The following RAVER2 variants were observed in gnomAD, a reference collection of about 807,000 sequenced individuals.
The protein encoded by RAVER2 is ribonucleoprotein PTB-binding 2.
A neutral mutation model predicts 78.1 loss-of-function variants in RAVER2; 46 were observed. The observed-to-expected ratio is 0.59, with a 90% CI of 0.46 to 0.75. The LOEUF (loss-of-function observed/expected upper bound fraction) is 0.75, where lower values mean the gene tolerates loss of function less well. Ranked by LOEUF, RAVER2 falls within the 30% of genes least tolerant of loss-of-function variation. The pLI is 0.00. For missense variants in RAVER2, 793 were observed against 837.5 expected (o/e 0.95, Z 0.66); for synonymous variants, 311 against 313.3 (o/e 0.99, Z 0.08).
chr1:64,785,552 A>G (rs1652755893), intron 4 of RAVER2, among the ~76,000 whole-genome samples: 2 of 152,004 alleles, frequency 1.3e-5, no homozygotes, highest in South Asian at 2.1e-4. Context: ...TATTTTTAGT[A>G]GAGACGGGGT....
intron 2 of RAVER2, among the ~76,000 whole-genome samples, chr1:64,772,868 G>C (rs1014404263): frequency 3.3e-5 from 5 of 152,184 alleles, no homozygotes; most frequent in Admixed American, 6.5e-5. Context: ...AGGCATTGTA[G>C]AGCATGATTA....
intron 9 of RAVER2, among the ~76,000 whole-genome samples, chr1:64,810,753 C>A (rs1433992339): frequency 1.2e-4 from 18 of 152,062 alleles, no homozygotes; most frequent in Admixed American, 1.2e-3. Context: ...AAAGTTTCTG[C>A]CCATTTTAAA....
chr1:64,745,331 G>A lies in RAVER2; in HGVS notation c.159G>A (p.Glu53=). 1.3e-6 allele frequency: 2 copies of A among 1,539,010 alleles called. No individual in the cohort carries two copies. The highest frequency in any genetic ancestry group is 1.8e-6 in the Non-Finnish European group (2 of 1,141,740). The change falls in exon 1 of 12, where the codon GAG becomes GAA. Residue 53 remains glutamate (E), a synonymous_variant. Coordinates refer to ENST00000294428, the Ensembl canonical transcript of RAVER2. The surrounding 1 kb of genome is among the most constrained non-coding windows in gnomAD (Gnocchi z 4.3). ...TGCCCGCCGCGCTGCACCCTGAGGAGGTCGCCGCGCGACTGCAGCGGATGC... is the reference window on the plus strand; with the variant it reads ...TGCCCGCCGCGCTGCACCCTGAGGAAGTCGCCGCGCGACTGCAGCGGATGC...
intron 5 of RAVER2, among the ~76,000 whole-genome samples, chr1:64,795,180 C>A (rs1224891330): frequency 6.6e-6 from 1 of 152,100 alleles, no homozygotes; most frequent in Non-Finnish European, 1.5e-5. Flanking sequence ...TTTACCAGTA[C>A]TGTCTTTATA....
exon 12 of RAVER2, chr1:64,833,100 T>C (rs1654220403): frequency 5.5e-6 from 1 of 180,968 alleles, no homozygotes; most frequent in South Asian, 2.0e-4. Flanking sequence ...GGTGTTTGTT[T>C]GTTTGTTAGT....
At chr1:64,759,875 T>A (rs1219488136) in intron 1 of RAVER2, among the ~76,000 whole-genome samples, 1 of 152,012 alleles carries the variant, frequency 6.6e-6, no homozygotes, top group Non-Finnish European at 1.5e-5. Context: ...CGTAAAATAA[T>A]CTCAGAAAAA....
chr1:64,832,878 G>A (rs1654201243), exon 12 of RAVER2: 1 of 152,402 alleles, frequency 6.6e-6, no homozygotes, highest in Non-Finnish European at 1.5e-5. Context: ...CTCCACTATA[G>A]TACAAACAAA....
At chr1:64,768,154 A>T (rs767780264) in intron 1 of RAVER2, among the ~76,000 whole-genome samples, 4 of 151,982 alleles carry the variant, frequency 2.6e-5, no homozygotes, top group Non-Finnish European at 5.9e-5. Flanking sequence ...ACTTGTTAAA[A>T]GCTCTATAGC....
intron 4 of RAVER2, among the ~76,000 whole-genome samples, chr1:64,788,346 C>G (rs1283446722): frequency 1.3e-5 from 2 of 151,460 alleles, no homozygotes; most frequent in African/African-American, 4.9e-5. Context: ...GTGGCGGGCA[C>G]CTGTAGTCCC....
chr1:64,750,484 A>G (rs1209737924), intron 1 of RAVER2, among the ~76,000 whole-genome samples: 1 of 151,456 alleles, frequency 6.6e-6, no homozygotes, highest in Non-Finnish European at 1.5e-5. Context: ...AATATTTTTT[A>G]ATTTTTTGTA....
At position 64,831,862 on chromosome 1, in the gene RAVER2, A is replaced by G. The variant is rs557100741; in HGVS notation, c.*877A>G. The G allele has an allele frequency of 2.6e-5, 4 of 152,330 alleles. No individual in the cohort carries two copies. The East Asian group carries it at 7.7e-4, about 29-fold the overall frequency. The allele number at this position is 152,330 out of a possible 1,614,324, so 9.4% of individuals were successfully genotyped here. A position where few individuals can be genotyped will look rare whatever the true frequency, so the allele number is the denominator to read the frequency against. On this transcript the variant is annotated 3_prime_UTR_variant, in exon 12 of 12. Coordinates refer to ENST00000294428, the Ensembl canonical transcript of RAVER2. The stretch of plus-strand genomic sequence containing the variant: ...GGGACGTTGCCATGCTCATTCATTT[A>G]CGTGTTGTCTGTGGCACTCTTACGC...
At chr1:64,780,984 G>A (rs1652609656) in intron 3 of RAVER2, among the ~76,000 whole-genome samples, 1 of 152,110 alleles carries the variant, frequency 6.6e-6, no homozygotes, top group African/African-American at 2.4e-5. Flanking sequence ...TTCCATTGAT[G>A]TGTGGTCAAA....
intron 4 of RAVER2, among the ~76,000 whole-genome samples, chr1:64,787,515 C>T (rs1466659017): frequency 6.6e-6 from 1 of 152,216 alleles, no homozygotes; most frequent in Non-Finnish European, 1.5e-5. Flanking sequence ...ATTTCCACCC[C>T]TGCTCTTTTC....
At chr1:64,832,910 A>AGAT (rs1280963861) in exon 12 of RAVER2, 4 of 153,710 alleles carry the variant, frequency 2.6e-5, no homozygotes, top group Admixed American at 6.6e-5. Context: ...AAGAAAGGAA[A>AGAT]GATGGTGAAT....
intron 11 of RAVER2, among the ~76,000 whole-genome samples, chr1:64,826,322 A>G (rs1175627210): frequency 2.0e-5 from 3 of 152,310 alleles, no homozygotes; most frequent in African/African-American, 7.2e-5. Flanking sequence ...GTGTCTGGGA[A>G]GTCTTGGAGT....
At chr1:64,762,044 G>A (rs1244020385) in intron 1 of RAVER2, among the ~76,000 whole-genome samples, 1 of 152,060 alleles carries the variant, frequency 6.6e-6, no homozygotes, top group Non-Finnish European at 1.5e-5. Context: ...GAGCCTAGGA[G>A]GTTGATAATA....
intron 9 of RAVER2, among the ~76,000 whole-genome samples, chr1:64,809,792 G>GT (rs1453419808): frequency 1.3e-5 from 2 of 151,974 alleles, no homozygotes; most frequent in African/African-American, 4.8e-5. Flanking sequence ...GGTAACCACC[G>GT]TTTCTACTTT....
At chr1:64,812,755 A>G (rs971852962) in exon 10 of RAVER2, 2 of 1,611,576 alleles carry the variant, frequency 1.2e-6, no homozygotes, top group East Asian at 2.2e-5. Context: ...CTAAGAATCA[A>G]ACTTCACTCT....
At chr1:64,794,261 G>A (rs1030305426) in intron 5 of RAVER2, among the ~76,000 whole-genome samples, 3 of 152,052 alleles carry the variant, frequency 2.0e-5, no homozygotes, top group Non-Finnish European at 1.5e-5. Flanking sequence ...AGCCGGGCGT[G>A]GTGGTGGGCG....
Sources: gnomAD v4.1 joint callset for allele counts (sites outside exome capture counted in the v4.1 genomes callset) on GRCh38, gnomAD v4.1.1 for gene constraint, Gnocchi (gnomAD v3.1) non-coding constraint, MANE v1.5 for transcripts, NCBI Gene and HGNC (gene_info 2026-07-23, HGNC 2026-07-21) for gene names.